Variants in TLN2 observed in about 807,000 individuals in gnomAD.
TLN2 encodes the protein talin-2.
In TLN2, 118 loss-of-function variants were observed where a neutral mutation model predicts 294.7. The ratio of observed to expected loss-of-function variants is 0.40; its 90% confidence interval spans 0.34 to 0.47. The LOEUF (loss-of-function observed/expected upper bound fraction) is 0.47. TLN2 is among the 20% of genes least tolerant of loss of function. The pLI, the probability that TLN2 is intolerant of heterozygous loss-of-function variation, is 0.84. For missense variants in TLN2, 3,083 were observed against 3,282.2 expected, an observed-to-expected ratio of 0.94 and a Z score of 1.48; for synonymous variants, 1,431 against 1,304.5, an observed-to-expected ratio of 1.10 and a Z score of -2.09.
intron 26 of TLN2, 31 bp from the exon 27 acceptor site, chr15:62,724,945 T>G: frequency 1.9e-6 from 3 of 1,586,688 alleles, no homozygotes; most frequent in Non-Finnish European, 2.6e-6. Flanking sequence ...CCAAGCAGAC[T>G]GGGTATACAT....
chr15:62,568,759 C>T (rs2043618637), intron 1 of TLN2, among the ~76,000 whole-genome samples: 2 of 152,192 alleles, frequency 1.3e-5, no homozygotes, highest in African/African-American at 4.8e-5. Flanking sequence ...ACACATTCCC[C>T]AGCCCTGTCC....
intron 9 of TLN2, among the ~76,000 whole-genome samples, chr15:62,661,501 A>G (rs1458489199): frequency 6.6e-6 from 1 of 152,178 alleles, no homozygotes; most frequent in Non-Finnish European, 1.5e-5. Context: ...AAATGCAGGT[A>G]TGTTGACCAT....
intron 22 of TLN2, among the ~76,000 whole-genome samples, chr15:62,715,512 A>G (rs2059707999): frequency 6.6e-6 from 1 of 152,218 alleles, no homozygotes; most frequent in Non-Finnish European, 1.5e-5. Flanking sequence ...TTAAAATTAT[A>G]TCCTTTCTCT....
At chr15:62,753,289 A>G (rs2062037115) in intron 35 of TLN2, among the ~76,000 whole-genome samples, 1 of 152,168 alleles carries the variant, frequency 6.6e-6, no homozygotes, top group South Asian at 2.1e-4. Flanking sequence ...CAATAAGGAC[A>G]TGCTTCGGTA....
At chr15:62,566,287 A>T (rs1335057706) in intron 1 of TLN2, among the ~76,000 whole-genome samples, 1 of 152,100 alleles carries the variant, frequency 6.6e-6, no homozygotes, top group Non-Finnish European at 1.5e-5. Context: ...TTCATTTGGC[A>T]AACATTTTTG....
chr15:62,817,216 C>G (rs938161575), intron 52 of TLN2, among the ~76,000 whole-genome samples: 7 of 152,214 alleles, frequency 4.6e-5, no homozygotes, highest in Non-Finnish European at 1.0e-4. Flanking sequence ...CCCCTTCCTT[C>G]TATTTCTCCA....
At chr15:62,648,594 C>CT (rs143825036) in intron 4 of TLN2, among the ~76,000 whole-genome samples, 6,565 of 136,728 alleles carry the variant, frequency 0.048, 506 homozygotes, top group African/African-American at 0.17. Context: ...GTTGCCCAGG[C>CT]TGGAGGGCAA....
At chr15:62,768,273 CAG>C (rs754141696) in intron 41 of TLN2, among the ~76,000 whole-genome samples, 149,581 of 152,298 alleles carry the variant, frequency 0.98, 73,506 homozygotes, top group Middle Eastern at 1. Context: ...CAGGGCTGTG[CAG>C]TCTACAGAGA....
At chr15:62,527,850 T>C (rs2040823600) in intron 1 of TLN2, among the ~76,000 whole-genome samples, 2 of 152,220 alleles carry the variant, frequency 1.3e-5, no homozygotes, top group South Asian at 4.1e-4. Flanking sequence ...AGGAATAAAG[T>C]AGTTACTCTG....
At chr15:62,532,510 G>A (rs150438336) in intron 1 of TLN2, among the ~76,000 whole-genome samples, 34 of 152,228 alleles carry the variant, frequency 2.2e-4, no homozygotes, top group African/African-American at 7.9e-4. Context: ...AGCCCTTTAC[G>A]ACATGCTGCC....
chr15:62,712,080 A>G lies in TLN2; in HGVS notation c.2634+3A>G, dbSNP rs749851117. ...CTCGCATGGTGGAAGCTGCAAAGGTATTCTACTGGATTTGTTTGTATGAAA... is the reference window on the plus strand; with the variant it reads ...CTCGCATGGTGGAAGCTGCAAAGGTGTTCTACTGGATTTGTTTGTATGAAA... On this transcript the variant is annotated splice_donor_region_variant and intron_variant, in intron 22 of 58. Transcript: ENST00000636159. The G allele has an allele frequency of 6.2e-7, 1 of 1,612,856 alleles. No individual in the cohort carries two copies. Among genetic ancestry groups the G allele is most frequent in the African/African-American group, 1.3e-5 (1 of 75,042 alleles).
chr15:62,550,837 C>G (rs1001522676), intron 1 of TLN2, among the ~76,000 whole-genome samples: 1 of 152,110 alleles, frequency 6.6e-6, no homozygotes, highest in Non-Finnish European at 1.5e-5. Context: ...TTGTGGAAGA[C>G]AATTTTTTCC....
At chr15:62,714,008 C>T (rs951136902) in intron 22 of TLN2, among the ~76,000 whole-genome samples, 1 of 150,734 alleles carries the variant, frequency 6.6e-6, no homozygotes, top group African/African-American at 2.4e-5. Flanking sequence ...TACCCCACCT[C>T]TCTCAGTCTA....
At chr15:62,798,677 C>A (rs2065703783) in intron 48 of TLN2, among the ~76,000 whole-genome samples, 1 of 152,204 alleles carries the variant, frequency 6.6e-6, no homozygotes, top group South Asian at 2.1e-4. Context: ...TTAGAAACCC[C>A]CTGTCATTCA....
chr15:62,509,830 C>T (rs2039838130), intron 1 of TLN2, among the ~76,000 whole-genome samples: 1 of 152,202 alleles, frequency 6.6e-6, no homozygotes, highest in African/African-American at 2.4e-5. Flanking sequence ...TCCGCTCTGC[C>T]TCCTAATGCC....
At chr15:62,821,120 C>T (rs1011409397) in intron 54 of TLN2, among the ~76,000 whole-genome samples, 1 of 152,126 alleles carries the variant, frequency 6.6e-6, no homozygotes, top group East Asian at 1.9e-4. Flanking sequence ...ATGTTTAAAA[C>T]TTAAGATTAT....
At position 62,698,882 on chromosome 15, in the gene TLN2, G is replaced by T; in HGVS notation, c.1587+15G>T. ...GCCAGGATATGGTAAATACTGTTCA[G>T]TGGTTTTCATGCCAAGTCTCTGCCC... On this transcript the variant is annotated intron_variant, in intron 16 of 58. Coordinates refer to ENST00000636159, the MANE Select transcript of TLN2 (RefSeq NM_015059.3). 1 of 1,608,218 alleles carries T rather than the reference G, an allele frequency of 6.2e-7. No individual in the cohort carries two copies. The highest frequency in any genetic ancestry group is 8.5e-7 in the Non-Finnish European group (1 of 1,177,750).
chr15:62,402,079 C>G (rs1408647176), intron 1 of TLN2, among the ~76,000 whole-genome samples: 1 of 152,138 alleles, frequency 6.6e-6, no homozygotes, highest in East Asian at 1.9e-4. Flanking sequence ...TTTTTAACCC[C>G]AAGCCATAGG....
chr15:62,587,569 G>C (rs900697936), intron 1 of TLN2, among the ~76,000 whole-genome samples: 14 of 152,064 alleles, frequency 9.2e-5, no homozygotes, highest in African/African-American at 3.1e-4. Context: ...TGTCTATGTG[G>C]TTTACTCAAC....
Sources: allele counts gnomAD v4.1 joint callset (sites outside exome capture counted in the v4.1 genomes callset), GRCh38; gene constraint gnomAD v4.1.1; transcripts MANE v1.5; gene names NCBI Gene and HGNC (gene_info 2026-07-23, HGNC 2026-07-21).